The following RBM19 variants were observed in gnomAD, a reference collection of about 807,000 sequenced individuals.
RBM19 encodes the protein RNA binding motif protein 19.
A neutral mutation model predicts 116.8 loss-of-function variants in RBM19; 94 were observed. The ratio of observed to expected loss-of-function variants is 0.80; its 90% CI spans 0.68 to 0.95. The LOEUF (loss-of-function observed/expected upper bound fraction) is 0.95. Ranked by LOEUF, RBM19 falls within the 40% of genes least tolerant of loss-of-function variation. The pLI is 0.00. For synonymous variants in RBM19, 475 were observed against 494.1 expected (o/e 0.96, Z 0.51); for missense variants, 1,161 against 1,220.7 (o/e 0.95, Z 0.73).
In RBM19 at chr12:113,884,324, C is replaced by CAT. The variant is rs1880382481; in HGVS notation, c.2559-25429_2559-25428insAT. On this transcript the variant is annotated intron_variant, in intron 21 of 23. Coordinates refer to ENST00000261741, the MANE Select transcript of RBM19 (RefSeq NM_016196.4). ...ACACACACACACACACACACACACA[C>CAT]ACACACACACGTACTTTTTGCTAAG... Among the ~76,000 whole-genome samples the CAT allele has an allele frequency of 2.6e-5, 4 of 151,494 alleles. No homozygotes were observed. In the South Asian group the frequency reaches 8.4e-4, roughly 32 times the overall value.
chr12:113,950,616 T>C (rs188247372), intron 8 of RBM19, among the ~76,000 whole-genome samples: 4 of 152,248 alleles, frequency 2.6e-5, no homozygotes, highest in Admixed American at 2.0e-4. Context: ...TCCTCTAGCA[T>C]GAGAGGCTCT....
intron 21 of RBM19, among the ~76,000 whole-genome samples, chr12:113,913,655 T>C (rs1882591920): frequency 6.6e-6 from 1 of 152,214 alleles, no homozygotes; most frequent in Non-Finnish European, 1.5e-5. Flanking sequence ...CACACAAAGA[T>C]AATTGTTTCT....
chr12:113,927,785 G>A (rs1177880143), intron 16 of RBM19, among the ~76,000 whole-genome samples: 2 of 152,016 alleles, frequency 1.3e-5, no homozygotes, highest in African/African-American at 4.8e-5. Flanking sequence ...ATACACAAAA[G>A]GTGTGGTTTT....
intron 23 of RBM19, among the ~76,000 whole-genome samples, chr12:113,841,392 A>T (rs1876456839): frequency 6.7e-6 from 1 of 150,266 alleles, no homozygotes; most frequent in South Asian, 2.1e-4. Context: ...CCCCAGGTTT[A>T]GTGACGGCCT....
chr12:113,943,330 C>T (rs1001296661), intron 13 of RBM19, among the ~76,000 whole-genome samples: 5 of 152,234 alleles, frequency 3.3e-5, no homozygotes, highest in African/African-American at 7.2e-5. Context: ...GAAGCGGCTG[C>T]AGGCCCCCAG....
At chr12:113,937,456 G>A (rs1870171332) in intron 15 of RBM19, among the ~76,000 whole-genome samples, 1 of 152,164 alleles carries the variant, frequency 6.6e-6, no homozygotes, top group South Asian at 2.1e-4. Flanking sequence ...TTAGATGGGA[G>A]TGGGACGAGG....
chr12:113,901,774 C>T (rs1881716252), intron 21 of RBM19, among the ~76,000 whole-genome samples: 1 of 152,156 alleles, frequency 6.6e-6, no homozygotes, highest in Non-Finnish European at 1.5e-5. Context: ...CTCAGCTTCC[C>T]AAAGTGCTGG....
intron 21 of RBM19, among the ~76,000 whole-genome samples, chr12:113,861,757 A>G (rs893100661): frequency 6.6e-6 from 1 of 152,120 alleles, no homozygotes; most frequent in Non-Finnish European, 1.5e-5. Flanking sequence ...GGCCTGCAAA[A>G]GTGGCATTTG....
chr12:113,937,256 T>C (rs1205517174), intron 15 of RBM19, 120 bp from the exon 16 acceptor site: 1 of 1,292,482 alleles, frequency 7.7e-7, no homozygotes, highest in East Asian at 2.5e-5. Context: ...CACCCAAGAA[T>C]GGAGCCGGAA....
At chr12:113,894,125 C>A (rs147843255) in intron 21 of RBM19, among the ~76,000 whole-genome samples, 1 of 151,924 alleles carries the variant, frequency 6.6e-6, no homozygotes, top group Non-Finnish European at 1.5e-5. Flanking sequence ...CAAGACTTTC[C>A]GGCAACACAT....
intron 21 of RBM19, among the ~76,000 whole-genome samples, chr12:113,904,615 A>G (rs1881924614): frequency 6.6e-6 from 1 of 152,150 alleles, no homozygotes; most frequent in Non-Finnish European, 1.5e-5. Context: ...AGGACCATCA[A>G]TACTCAAATG....
At chr12:113,962,498 G>A (rs745905010) in intron 1 of RBM19, 84 bp from the exon 2 acceptor site, 7 of 1,378,184 alleles carry the variant, frequency 5.1e-6, no homozygotes, top group African/African-American at 1.4e-5. Flanking sequence ...CTGAGGCCAC[G>A]AGATTCTCCA....
intron 16 of RBM19, among the ~76,000 whole-genome samples, chr12:113,931,094 C>T (rs567199036): frequency 6.6e-5 from 10 of 152,104 alleles, no homozygotes; most frequent in South Asian, 2.1e-4. Flanking sequence ...TTTAAAAGGA[C>T]GATAATGTAA....
chr12:113,840,962 T>C (rs886878499), intron 23 of RBM19, among the ~76,000 whole-genome samples: 1 of 151,878 alleles, frequency 6.6e-6, no homozygotes, highest in Non-Finnish European at 1.5e-5. Flanking sequence ...CGAATTCTGC[T>C]CCCCCCTGGG....
rs1879469554 is a variant in RBM19 at position 113,873,825 on chromosome 12, G to GT, written c.2559-14930dup. ...TACTGGGGAAACCCCTCATTGTTCA[G>GT]TGATGGGAGAAATGAGACGCATGGT... On this transcript the variant is annotated intron_variant, in intron 21 of 23. Coordinates refer to ENST00000261741, the MANE Select transcript of RBM19 (RefSeq NM_016196.4). Among the ~76,000 whole-genome samples the GT allele has an allele frequency of 1.3e-5, 2 of 152,348 alleles. 1 individual carries two copies. The highest frequency in any genetic ancestry group is 4.1e-4 in the South Asian group (2 of 4,830).
intron 23 of RBM19, among the ~76,000 whole-genome samples, chr12:113,830,986 C>A (rs902241443): frequency 6.6e-6 from 1 of 151,912 alleles, no homozygotes; most frequent in Non-Finnish European, 1.5e-5. Flanking sequence ...TCCAGGGGGT[C>A]GGGGGAGACT....
At chr12:113,959,809 C>A in intron 4 of RBM19, 56 bp downstream of exon 4, 1 of 1,592,766 alleles carries the variant, frequency 6.3e-7, no homozygotes, top group Non-Finnish European at 8.6e-7. Context: ...CCAGTCTCCA[C>A]CCTCTTCCAC....
chr12:113,942,804 G>A (rs930915), intron 13 of RBM19, among the ~76,000 whole-genome samples: 11,633 of 152,038 alleles, frequency 0.077, 1,475 homozygotes, highest in African/African-American at 0.27. Flanking sequence ...AGAGATGGGA[G>A]TTTGCCATAC....
chr12:113,847,538 A>G (rs1444698322), intron 22 of RBM19, among the ~76,000 whole-genome samples: 1 of 150,168 alleles, frequency 6.7e-6, no homozygotes, highest in African/African-American at 2.5e-5. Flanking sequence ...GATGGGGGAG[A>G]GGAATTGGTG....
Sources: gnomAD v4.1 joint callset for allele counts (sites outside exome capture counted in the v4.1 genomes callset) on GRCh38, gnomAD v4.1.1 for gene constraint, MANE v1.5 for transcripts, NCBI Gene and HGNC (gene_info 2026-07-23, HGNC 2026-07-21) for gene names.